Variants in ARHGAP21 observed in about 807,000 individuals in gnomAD.
ARHGAP21 encodes Rho GTPase activating protein 21, also known as rho GTPase-activating protein 21.
A neutral mutation model predicts 164.6 loss-of-function variants in ARHGAP21; 38 were observed. The ratio of observed to expected loss-of-function variants is 0.23; its 90% CI spans 0.18 to 0.30. The LOEUF is 0.30. Among genes scored for constraint, ARHGAP21 ranks in the 10% least tolerant of loss-of-function variants. ARHGAP21 has a pLI of 1.00. For missense variants in ARHGAP21, 1,822 were observed against 2,370.7 expected, an observed-to-expected ratio of 0.77 and a Z score of 4.81; for synonymous variants, 766 against 857.9, an observed-to-expected ratio of 0.89 and a Z score of 1.87.
intron 4 of ARHGAP21, among the ~76,000 whole-genome samples, chr10:24,666,736 T>A (rs539802067): frequency 6.6e-6 from 1 of 152,308 alleles, no homozygotes; most frequent in South Asian, 2.1e-4. Flanking sequence ...ATTATAATGA[T>A]ATATTCCTCC....
At position 24,585,835 on chromosome 10, in the gene ARHGAP21, G is replaced by A. The variant is rs569426222; in HGVS notation, c.4454C>T (p.Thr1485Met). The change falls in exon 26 of 26, where the codon ACG becomes ATG. Residue 1485 changes from threonine to methionine, a missense_variant. Physicochemically the swap from Thr to Met is moderately conservative, Grantham distance 81 (BLOSUM62 -1). Around this residue, in one of 5 missense-constraint regions of ARHGAP21, gnomAD observed 333 missense variants for 383.9 expected, o/e 0.87. Transcript: ENST00000396432. ...KENSTRKDPSTTKDEKISLGK... is the reference protein window; with the variant it reads ...KENSTRKDPSMTKDEKISLGK... Reference sequence around the variant, plus strand: ...TAGTGATATCTTTTCATCTTTTGTCGTGCTGGGGTCTTTCCTAGTGCTGTT... The same window carrying A: ...TAGTGATATCTTTTCATCTTTTGTCATGCTGGGGTCTTTCCTAGTGCTGTT... 3.2e-5 allele frequency: 52 copies of A among 1,613,920 alleles called. No homozygotes were observed. The highest frequency in any genetic ancestry group is 1.6e-4 in the African/African-American group (12 of 75,010).
In ARHGAP21 at chr10:24,719,140, CACTT is replaced by C. The variant is rs1276641681; in HGVS notation, c.63+2693_63+2696del. 8.7e-5 allele frequency among the ~76,000 whole-genome samples: 13 copies of C among 149,080 alleles called. No individual in the cohort carries two copies. In the East Asian group the frequency reaches 2.6e-3, roughly 30 times the overall value. On this transcript the variant is annotated intron_variant, in intron 2 of 25. Transcript: ENST00000396432. ...ACACACACACACACACCCCAAAAAT[CACTT>C]AAGAGGTTCAGAGTGAGTGATTTCA...
rs548205644 is a variant in ARHGAP21, at chr10:24,692,757, G to C, written c.64-22360C>G. Among the ~76,000 whole-genome samples the C allele has an allele frequency of 6.6e-5, 10 of 152,076 alleles. 1 individual carries two copies. Among genetic ancestry groups the C allele is most frequent in the African/African-American group, 2.4e-4 (10 of 41,480 alleles). ...TGAGGCAGGAGAATCACTTGAATCT[G>C]AAAGGTGCAGGTTGCAGTGAGCAGA... On this transcript the variant is annotated intron_variant, in intron 2 of 25. Transcript: ENST00000396432.
intron 7 of ARHGAP21, chr10:24,628,872 TACATATATAC>T (rs1211570481): frequency 9.2e-6 from 1 of 108,702 alleles, no homozygotes; most frequent in South Asian, 3.0e-4. Context: ...CATATATACA[TACATATATAC>T]ACATATATAT....
At chr10:24,701,920 T>G (rs889190312) in intron 2 of ARHGAP21, among the ~76,000 whole-genome samples, 2 of 152,172 alleles carry the variant, frequency 1.3e-5, no homozygotes, top group African/African-American at 4.8e-5. Flanking sequence ...TCCCTATGTA[T>G]GTGGCTGTGT....
At chr10:24,617,056 C>T (rs1002537915) in intron 9 of ARHGAP21, among the ~76,000 whole-genome samples, 2 of 152,082 alleles carry the variant, frequency 1.3e-5, no homozygotes, top group African/African-American at 4.8e-5. Context: ...GGCCGCACAG[C>T]AGAAGGTGAG....
At chr10:24,676,896 T>C (rs1404465205) in intron 2 of ARHGAP21, among the ~76,000 whole-genome samples, 1 of 152,160 alleles carries the variant, frequency 6.6e-6, no homozygotes, top group African/African-American at 2.4e-5. Context: ...GCAGAGTACA[T>C]AAACATTTAA....
chr10:24,601,589 G>T (rs979364232), intron 13 of ARHGAP21, among the ~76,000 whole-genome samples: 2 of 151,774 alleles, frequency 1.3e-5, no homozygotes, highest in Non-Finnish European at 2.9e-5. Flanking sequence ...AAGTTATAAA[G>T]GTAATTTAAA....
intron 4 of ARHGAP21, among the ~76,000 whole-genome samples, chr10:24,665,536 A>T (rs1486977180): frequency 6.6e-6 from 1 of 152,242 alleles, no homozygotes; most frequent in Non-Finnish European, 1.5e-5. Flanking sequence ...TTTATAAAAA[A>T]AATCTAGAAG....
intron 4 of ARHGAP21, among the ~76,000 whole-genome samples, chr10:24,662,433 G>T (rs545124295): frequency 6.6e-6 from 1 of 152,082 alleles, no homozygotes; most frequent in African/African-American, 2.4e-5. Context: ...CTCAGCCTCA[G>T]TTCCCTCATC....
chr10:24,679,849 T>C (rs943067605), intron 2 of ARHGAP21, among the ~76,000 whole-genome samples: 10 of 152,262 alleles, frequency 6.6e-5, no homozygotes, highest in African/African-American at 4.8e-5. Context: ...TTGTTACATA[T>C]GTATACATGT....
At chr10:24,605,203 C>T (rs1235728184) in intron 11 of ARHGAP21, among the ~76,000 whole-genome samples, 1 of 152,112 alleles carries the variant, frequency 6.6e-6, no homozygotes, top group Admixed American at 6.5e-5. Context: ...GAAGAAAGAA[C>T]AGGGCACCGA....
At chr10:24,648,044 T>C (rs1188967209) in intron 4 of ARHGAP21, among the ~76,000 whole-genome samples, 1 of 152,162 alleles carries the variant, frequency 6.6e-6, no homozygotes, top group African/African-American at 2.4e-5. Flanking sequence ...TTCACTGTGT[T>C]GGCCAGACTG....
Position 24,584,068 on chromosome 10 carries a change from T to C in ARHGAP21, c.*344A>G, listed in dbSNP as rs1467483012. On this transcript the variant is annotated 3_prime_UTR_variant, in exon 26 of 26. Transcript: ENST00000396432. ...ACCCTAAAAACCAACTGTATTTTTA[T>C]GATGAGGCACTTTTGTTAGTGATGA... 6.5e-6 allele frequency: 1 copy of C among 153,964 alleles called. No homozygotes were observed. Among genetic ancestry groups the C allele is most frequent in the African/African-American group, 2.4e-5 (1 of 41,498 alleles). 9.5% of individuals were successfully genotyped at this position (153,964 alleles called of 1,614,324 possible). A position where few individuals can be genotyped will look rare whatever the true frequency, so the allele number is the denominator to read the frequency against.
intron 24 of ARHGAP21, chr10:24,589,550 G>C (rs1427248610): frequency 2.3e-6 from 1 of 434,798 alleles, no homozygotes; most frequent in African/African-American, 2.1e-5. Context: ...GGAGCCCTGT[G>C]CTAAACAAAA....
In ARHGAP21 at chr10:24,622,720, GT is replaced by G. The variant is rs1215494252; in HGVS notation, c.525+12del. ...CTTAAAAAGCAAGGAAATGGCTACTGTGCATTTCTTACCAGTGCTGTGACAT... is the reference window on the plus strand; with the variant it reads ...CTTAAAAAGCAAGGAAATGGCTACTGGCATTTCTTACCAGTGCTGTGACAT... On this transcript the variant is annotated intron_variant, in intron 8 of 25. Coordinates refer to ENST00000396432, the MANE Select transcript of ARHGAP21 (RefSeq NM_020824.4). The G allele has an allele frequency of 6.2e-7, 1 of 1,608,504 alleles. No homozygotes were observed. The highest frequency in any genetic ancestry group is 1.7e-5 in the Admixed American group (1 of 58,692).
intron 9 of ARHGAP21, among the ~76,000 whole-genome samples, chr10:24,612,034 G>A (rs985236858): frequency 1.3e-5 from 2 of 152,302 alleles, no homozygotes; most frequent in East Asian, 1.9e-4. Context: ...GCTGAGTTAT[G>A]AGGCACGTTT....
chr10:24,675,639 G>GA (rs1469615132), intron 2 of ARHGAP21, among the ~76,000 whole-genome samples: 2 of 152,254 alleles, frequency 1.3e-5, no homozygotes, highest in South Asian at 2.1e-4. Context: ...TGAAATTCAA[G>GA]AAAGTGGTTA....
At chr10:24,693,748 C>T (rs779298822) in intron 2 of ARHGAP21, among the ~76,000 whole-genome samples, 10 of 152,134 alleles carry the variant, frequency 6.6e-5, no homozygotes, top group Non-Finnish European at 1.0e-4. Context: ...CTCCTGGCTG[C>T]GTCAAAGCTC....
Sources: gnomAD v4.1 joint callset for allele counts (sites outside exome capture counted in the v4.1 genomes callset) on GRCh38, gnomAD v4.1.1 for gene constraint, gnomAD v4.1.1 regional missense constraint, MANE v1.5 for transcripts, NCBI Gene and HGNC (gene_info 2026-07-23, HGNC 2026-07-21) for gene names.